The following ITGA1 variants were observed in gnomAD, a reference collection of about 807,000 sequenced individuals.
The protein encoded by ITGA1 is integrin subunit alpha 1, also known as integrin alpha-1.
Under a neutral mutation model 145.9 loss-of-function variants are expected in ITGA1, and 85 were observed. The observed-to-expected ratio is 0.58, with a 90% CI of 0.49 to 0.70. The LOEUF (loss-of-function observed/expected upper bound fraction) is 0.70. ITGA1 is among the 30% of genes least tolerant of loss of function. The pLI is 0.00. For synonymous variants in ITGA1, 520 were observed against 495.3 expected (o/e 1.05, Z -0.66); for missense variants, 1,351 against 1,418.7 (o/e 0.95, Z 0.77).
At chr5:52,809,971 A>T (rs1327023926) in intron 1 of ITGA1, among the ~76,000 whole-genome samples, 1 of 152,186 alleles carries the variant, frequency 6.6e-6, no homozygotes, top group African/African-American at 2.4e-5. Flanking sequence ...TCAAATACAG[A>T]CCAGGGACCA....
In ITGA1 at chr5:52,925,295, T is replaced by C. The variant is rs557831892; in HGVS notation, c.2421T>C (p.Asp807=). The change falls in exon 19 of 29, where the codon GAT becomes GAC. Residue 807 remains aspartate (D), a synonymous_variant. Transcript: ENST00000282588. ...CATTTCAGATTCCCTTTGCCAAAGA[T>C]TGTGGAAATAAGGAAAAATGTATCT... ...SVHEYIPFAK[D]CGNKEKCISD... 2.5e-6 allele frequency: 4 copies of C among 1,613,882 alleles called. No individual in the cohort carries two copies. Among genetic ancestry groups the C allele is most frequent in the South Asian group, 2.2e-5 (2 of 91,076 alleles).
Position 52,794,551 on chromosome 5 carries a change from TTTTG to T in ITGA1, c.61+6141_61+6144del, listed in dbSNP as rs1252857631. Among the ~76,000 whole-genome samples the T allele has an allele frequency of 5.4e-5, 8 of 148,950 alleles. No homozygotes were observed. In the East Asian group the frequency reaches 7.8e-4, roughly 14 times the overall value. ...CACACACACACTTCTGTTCATAGGA[TTTTG>T]TTTATTTGGTAGGAGGTTTTGTATT... On this transcript the variant is annotated intron_variant, in intron 1 of 28. Coordinates refer to ENST00000282588, the MANE Select transcript of ITGA1 (RefSeq NM_181501.2).
At chr5:52,936,924 C>T (rs912662123) in intron 23 of ITGA1, among the ~76,000 whole-genome samples, 3 of 151,920 alleles carry the variant, frequency 2.0e-5, no homozygotes, top group Non-Finnish European at 2.9e-5. Context: ...TGGCAGATCC[C>T]ATCTAGCCAG....
intron 1 of ITGA1, among the ~76,000 whole-genome samples, chr5:52,819,332 C>A (rs866783642): frequency 6.6e-6 from 1 of 152,092 alleles, no homozygotes; most frequent in Non-Finnish European, 1.5e-5. Flanking sequence ...TTTTAATGAT[C>A]GCCATTCTAA....
intron 1 of ITGA1, chr5:52,801,327 C>A (rs1748476578): frequency 1.6e-6 from 2 of 1,268,150 alleles, no homozygotes; most frequent in East Asian, 4.7e-5. Context: ...CTTACTAGCG[C>A]TTTTGGCTTT....
intron 1 of ITGA1, chr5:52,800,133 C>T (rs565427445): frequency 4.5e-6 from 2 of 439,908 alleles, no homozygotes; most frequent in South Asian, 5.8e-5. Flanking sequence ...CCAGCGGGAA[C>T]TGTGTAGGGG....
In ITGA1 at chr5:52,885,674, C is replaced by A. The variant is rs545037128; in HGVS notation, c.774-2141C>A. Among the ~76,000 whole-genome samples the A allele has an allele frequency of 1.9e-3, 287 of 152,258 alleles. 1 individual carries two copies. Among genetic ancestry groups the A allele is most frequent in the Non-Finnish European group, 2.9e-3 (198 of 68,016 alleles). ...AGAACCATAAGAAGTTCGGAAAGATCCATTTTAGCAGTGTGAGCAATGGGC... is the reference window on the plus strand; with the variant it reads ...AGAACCATAAGAAGTTCGGAAAGATACATTTTAGCAGTGTGAGCAATGGGC... On this transcript the variant is annotated intron_variant, in intron 7 of 28. Transcript: ENST00000282588.
chr5:52,912,185 G>A (rs934569675), intron 14 of ITGA1, among the ~76,000 whole-genome samples: 50 of 135,044 alleles, frequency 3.7e-4, no homozygotes, highest in Non-Finnish European at 6.6e-4. Context: ...ATATAGATAC[G>A]CTATATATAG....
In ITGA1 at chr5:52,910,933, G is replaced by A. The variant is rs62651789; in HGVS notation, c.1857+514G>A. 3.1e-5 allele frequency among the ~76,000 whole-genome samples: 4 copies of A among 130,132 alleles called. No homozygotes were observed. In the South Asian group the frequency reaches 7.2e-4, roughly 23 times the overall value. 85.4% of individuals were successfully genotyped at this position (130,132 alleles called of 152,430 possible). A position where few individuals can be genotyped will look rare whatever the true frequency, so the allele number is the denominator to read the frequency against. ...TATGTATACTATATATAGTATATAT[G>A]GTATGTATACTGTATATAGTATATA... On this transcript the variant is annotated intron_variant, in intron 14 of 28. Coordinates refer to ENST00000282588, the MANE Select transcript of ITGA1 (RefSeq NM_181501.2).
intron 21 of ITGA1, among the ~76,000 whole-genome samples, chr5:52,930,205 C>A (rs954532609): frequency 6.6e-6 from 1 of 152,138 alleles, no homozygotes. Context: ...GTCTAACTTT[C>A]TTCTAATTGT....
intron 6 of ITGA1, among the ~76,000 whole-genome samples, 186 bp downstream of exon 6, chr5:52,866,003 T>TTTTCTTTTTTC (rs1203022849): frequency 6.6e-6 from 1 of 151,594 alleles, no homozygotes; most frequent in Non-Finnish European, 1.5e-5. Context: ...TTTTCTATTT[T>TTTTCTTTTTTC]TTTCTTTTTT....
chr5:52,849,158 C>T (rs1452559060), intron 1 of ITGA1, among the ~76,000 whole-genome samples: 2 of 152,214 alleles, frequency 1.3e-5, no homozygotes, highest in African/African-American at 4.8e-5. Flanking sequence ...GCCACACTGT[C>T]TTCCACAATG....
At chr5:52,911,691 TAC>T (rs1220299691) in intron 14 of ITGA1, among the ~76,000 whole-genome samples, 1 of 135,290 alleles carries the variant, frequency 7.4e-6, no homozygotes, top group Middle Eastern at 0.011. Flanking sequence ...ATATATACTA[TAC>T]ATATAGTGTA....
intron 1 of ITGA1, among the ~76,000 whole-genome samples, chr5:52,840,042 AT>A (rs946829079): frequency 2.0e-5 from 3 of 152,190 alleles, no homozygotes; most frequent in African/African-American, 7.2e-5. Flanking sequence ...TAGTAGGTAA[AT>A]TAAAAATAAT....
chr5:52,907,232 C>A (rs1242451699), intron 12 of ITGA1, among the ~76,000 whole-genome samples: 1 of 152,190 alleles, frequency 6.6e-6, no homozygotes, highest in Non-Finnish European at 1.5e-5. Flanking sequence ...AACTCTTTGC[C>A]CACATTTACG....
At chr5:52,864,896 C>T in intron 4 of ITGA1, 45 bp downstream of exon 4, 2 of 1,540,640 alleles carry the variant, frequency 1.3e-6, no homozygotes, top group Non-Finnish European at 1.8e-6. Context: ...GATATGCTAT[C>T]ATTTTAAGTC....
chr5:52,802,366 TTAG>T (rs1748507221), intron 1 of ITGA1: 1 of 152,220 alleles, frequency 6.6e-6, no homozygotes, highest in African/African-American at 2.4e-5. Flanking sequence ...TGCCGTACAA[TTAG>T]TAGACTTGAA....
intron 28 of ITGA1, among the ~76,000 whole-genome samples, chr5:52,950,525 A>G (rs1751202782): frequency 6.6e-6 from 1 of 152,220 alleles, no homozygotes; most frequent in African/African-American, 2.4e-5. Context: ...CAGGAAGGAA[A>G]AAATGAAAGC....
chr5:52,918,097 G>C (rs1472503153), intron 15 of ITGA1, among the ~76,000 whole-genome samples: 1 of 152,112 alleles, frequency 6.6e-6, no homozygotes, highest in Non-Finnish European at 1.5e-5. Flanking sequence ...CTGGGCTTTC[G>C]AGTTAAAACG....
Sources: allele counts gnomAD v4.1 joint callset (sites outside exome capture counted in the v4.1 genomes callset), GRCh38; gene constraint gnomAD v4.1.1; transcripts MANE v1.5; gene names NCBI Gene and HGNC (gene_info 2026-07-23, HGNC 2026-07-21).